ADGRD1: variants seen among roughly 807,000 people sequenced by gnomAD.
ADGRD1 encodes the protein adhesion G protein-coupled receptor D1.
In ADGRD1, 77 loss-of-function variants were observed where a neutral mutation model predicts 113.4. The ratio of observed to expected loss-of-function variants is 0.68; its 90% confidence interval spans 0.57 to 0.82. The LOEUF is 0.82. ADGRD1 is among the 40% of genes least tolerant of loss of function. The pLI is 0.00. For synonymous variants in ADGRD1, 474 were observed against 475.0 expected (o/e 1.00, Z 0.03); for missense variants, 1,036 against 1,139.1 (o/e 0.91, Z 1.30).
chr12:130,960,473 C>T (rs900932321), intron 2 of ADGRD1, among the ~76,000 whole-genome samples: 3 of 151,850 alleles, frequency 2.0e-5, no homozygotes, highest in Non-Finnish European at 2.9e-5. Context: ...TGTTTATATC[C>T]GATTGAAGAA....
chr12:131,037,544 G>A (rs1593093133), intron 13 of ADGRD1, among the ~76,000 whole-genome samples: 1 of 59,684 alleles, frequency 1.7e-5, no homozygotes, highest in East Asian at 5.3e-4. Flanking sequence ...CTCAGTCACT[G>A]CACTGGGTCT....
chr12:130,974,746 G>T (rs1223212437), intron 4 of ADGRD1, among the ~76,000 whole-genome samples: 2 of 152,134 alleles, frequency 1.3e-5, no homozygotes, highest in African/African-American at 4.8e-5. Flanking sequence ...CAGGGTTGAT[G>T]CTGAGAAATG....
At position 131,006,061 on chromosome 12, in the gene ADGRD1, G is replaced by T; in HGVS notation, c.1331+14G>T. 6.2e-7 allele frequency: 1 copy of T among 1,611,174 alleles called. No homozygotes were observed. The highest frequency in any genetic ancestry group is 8.5e-7 in the Non-Finnish European group (1 of 1,178,714). On this transcript the variant is annotated intron_variant, in intron 12 of 24. Coordinates refer to ENST00000261654, the MANE Select transcript of ADGRD1 (RefSeq NM_198827.5). ...CGCCCACACCAAGTGAGTCTCGGGG[G>T]TGCTCAGCTCAGGGGCGTGGGTGTG... is the stretch of plus-strand genomic sequence containing the variant.
At chr12:130,992,413 T>C (rs1395432845) in intron 8 of ADGRD1, 21 bp downstream of exon 8, 5 of 1,603,414 alleles carry the variant, frequency 3.1e-6, no homozygotes, top group Non-Finnish European at 3.4e-6. Flanking sequence ...TTGATGTCTG[T>C]GTCTGGTGGA....
At chr12:131,018,292 A>G (rs1033756782) in intron 13 of ADGRD1, among the ~76,000 whole-genome samples, 1 of 152,136 alleles carries the variant, frequency 6.6e-6, no homozygotes, top group African/African-American at 2.4e-5. Flanking sequence ...TGAGGCCCGC[A>G]TTCTCCCAGG....
intron 4 of ADGRD1, among the ~76,000 whole-genome samples, chr12:130,979,817 TCA>T (rs10526212): frequency 0.038 from 2,065 of 53,892 alleles, 36 homozygotes; most frequent in African/African-American, 0.055. Flanking sequence ...AGCTAGTGTC[TCA>T]CACACACACA....
intron 12 of ADGRD1, among the ~76,000 whole-genome samples, chr12:131,012,555 G>A (rs1488300598): frequency 6.6e-6 from 1 of 152,168 alleles, no homozygotes; most frequent in Non-Finnish European, 1.5e-5. Flanking sequence ...ATAATTCTGC[G>A]TGCTTCTTGG....
intron 2 of ADGRD1, chr12:130,957,177 C>A (rs895137645): frequency 1.3e-5 from 2 of 152,410 alleles, no homozygotes; most frequent in African/African-American, 2.4e-5. Context: ...CATCAACATA[C>A]ATGTATTTAC....
At chr12:131,039,058 A>G (rs1484935931) in intron 13 of ADGRD1, among the ~76,000 whole-genome samples, 1 of 152,220 alleles carries the variant, frequency 6.6e-6, no homozygotes, top group African/African-American at 2.4e-5. Flanking sequence ...AGAGGCCAGG[A>G]AACTGCTGAG....
At chr12:131,104,993 T>G in intron 16 of ADGRD1, 59 bp downstream of exon 16, 1 of 1,188,942 alleles carries the variant, frequency 8.4e-7, no homozygotes, top group South Asian at 1.4e-5. Flanking sequence ...CACCCAGATC[T>G]CAAGATGGAA....
intron 4 of ADGRD1, among the ~76,000 whole-genome samples, chr12:130,979,815 TCTCA>T (rs61148337): frequency 0.11 from 14,746 of 139,674 alleles, 865 homozygotes; most frequent in Middle Eastern, 0.15. Flanking sequence ...GCAGCTAGTG[TCTCA>T]CACACACACA....
At chr12:130,968,337 A>G (rs939535041) in intron 3 of ADGRD1, 2 of 152,514 alleles carry the variant, frequency 1.3e-5, no homozygotes, top group Non-Finnish European at 2.9e-5. Flanking sequence ...TGCAATGTGG[A>G]AGGTTTCTCT....
rs559839369 is a variant in ADGRD1 at position 130,984,148 on chromosome 12, G to A, written c.490+2085G>A. ...GATGGGTTTTATGGTCCTATATTGT[G>A]ATTGCCTAGGCCAAGTTTGTAAGAA... On this transcript the variant is annotated intron_variant, in intron 5 of 24. Transcript: ENST00000261654. The surrounding 1 kb of genome is among the most constrained non-coding windows in gnomAD (Gnocchi z 4.1). Among the ~76,000 whole-genome samples the A allele has an allele frequency of 6.6e-6, 1 of 152,304 alleles. No individual in the cohort carries two copies. Among genetic ancestry groups the A allele is most frequent in the African/African-American group, 2.4e-5 (1 of 41,570 alleles).
rs1951000376 is a variant in ADGRD1, at chr12:131,133,849, T to TCCCCA, written c.2267+2033_2267+2034insCCCCA. Among the ~76,000 whole-genome samples the TCCCCA allele has an allele frequency of 3.9e-5, 6 of 152,176 alleles. 1 individual carries two copies. In the South Asian group the frequency reaches 1.0e-3, roughly 26 times the overall value. On this transcript the variant is annotated intron_variant, in intron 21 of 24. Transcript: ENST00000261654. Reference sequence around the variant, plus strand: ...TCGTGAGGAAGCTTCCCCAGCACCTTGCTATTCTTCATCCTCTGGTTTTAT... The same window carrying TCCCCA: ...TCGTGAGGAAGCTTCCCCAGCACCTTCCCCAGCTATTCTTCATCCTCTGGTTTTAT...
intron 3 of ADGRD1, chr12:130,968,174 C>T (rs1375491667): frequency 6.6e-6 from 1 of 152,232 alleles, no homozygotes; most frequent in African/African-American, 2.4e-5. Context: ...AAATCAGTAA[C>T]TCTTGGTGCT....
rs1262088411 is a variant in ADGRD1 at position 131,021,116 on chromosome 12, A to G, written c.1473+6776A>G. On this transcript the variant is annotated intron_variant, in intron 13 of 24. Transcript: ENST00000261654. ...AAAAAAATGTCAAGAATAGTACAGA[A>G]TGCCCCTGTATGTCTACAGACATAC... Among the ~76,000 whole-genome samples, 5 of 152,308 alleles carry G rather than the reference A, an allele frequency of 3.3e-5. No individual in the cohort carries two copies. In the East Asian group the frequency reaches 7.7e-4, roughly 23 times the overall value.
intron 9 of ADGRD1, among the ~76,000 whole-genome samples, chr12:131,000,896 A>T (rs1876306908): frequency 6.6e-6 from 1 of 152,192 alleles, no homozygotes; most frequent in South Asian, 2.1e-4. Context: ...CAGTCCTGAC[A>T]TCTGGGATAT....
In ADGRD1 at chr12:131,027,961, C is replaced by T. The variant is rs1302531638; in HGVS notation, c.1473+13621C>T. ...GGATGTTCTAGTGAGCGCGTTTCTG[C>T]TGGTGAACCTGACTGTGCCCTTCTT... On this transcript the variant is annotated intron_variant, in intron 13 of 24. Coordinates refer to ENST00000261654, the MANE Select transcript of ADGRD1 (RefSeq NM_198827.5). The surrounding 1 kb of genome is among the most constrained non-coding windows in gnomAD (Gnocchi z 5.1). 1.3e-5 allele frequency: 2 copies of T among 152,242 alleles called. No homozygotes were observed. The highest frequency in any genetic ancestry group is 3.8e-4 in the East Asian group (2 of 5,196). The allele number at this position is 152,242 out of a possible 1,614,324, so 9.4% of individuals were successfully genotyped here. A position where few individuals can be genotyped will look rare whatever the true frequency, so the allele number is the denominator to read the frequency against.
chr12:131,138,230 G>T lies in ADGRD1; in HGVS notation c.2529+1G>T. The T allele has an allele frequency of 6.2e-7, 1 of 1,612,048 alleles. No individual in the cohort carries two copies. Among genetic ancestry groups the T allele is most frequent in the African/African-American group, 1.3e-5 (1 of 74,992 alleles). ...CGCGAAGCCCTTCCACTCGGACCTC[G>T]TGAGTGCAGCCTCCATAAACCGAGG... On this transcript the variant is annotated splice_donor_variant, in intron 24 of 24. Transcript: ENST00000261654. LOFTEE classifies it high-confidence loss of function.
Sources: gnomAD v4.1 joint callset for allele counts (sites outside exome capture counted in the v4.1 genomes callset) on GRCh38, gnomAD v4.1.1 for gene constraint, Gnocchi (gnomAD v3.1) non-coding constraint, MANE v1.5 for transcripts, NCBI Gene and HGNC (gene_info 2026-07-23, HGNC 2026-07-21) for gene names.